The following CCDC3 variants were observed in gnomAD, a reference collection of about 807,000 sequenced individuals.
CCDC3 encodes coiled-coil domain-containing protein 3.
Under a neutral mutation model 21.4 loss-of-function variants are expected in CCDC3, and 24 were observed. The ratio of observed to expected loss-of-function variants is 1.12; its 90% CI spans 0.81 to 1.58. CCDC3 has a LOEUF of 1.58. Ranked by LOEUF, CCDC3 falls within the 40% of genes most tolerant of loss-of-function variation. CCDC3 has a pLI of 0.00. For synonymous variants in CCDC3, 186 were observed against 166.0 expected, an observed-to-expected ratio of 1.12 and a Z score of -0.93; for missense variants, 425 against 360.9, an observed-to-expected ratio of 1.18 and a Z score of -1.44.
rs565901357 is a variant in CCDC3 at position 12,934,991 on chromosome 10, C to T, written c.550-36312G>A. On this transcript the variant is annotated intron_variant, in intron 2 of 2. Coordinates refer to ENST00000378825, the MANE Select transcript of CCDC3 (RefSeq NM_031455.4). ...GCAATCATGACTCACTGTACCATTA[C>T]GTAACAAACTCCTAGGCTCAAGCAG... Among the ~76,000 whole-genome samples, 56 of 151,938 alleles carry T rather than the reference C, an allele frequency of 3.7e-4. 1 individual carries two copies. Among genetic ancestry groups the T allele is most frequent in the Middle Eastern group, 6.8e-3 (2 of 292 alleles).
intron 2 of CCDC3, among the ~76,000 whole-genome samples, chr10:12,945,688 T>C (rs1834905378): frequency 6.6e-6 from 1 of 152,206 alleles, no homozygotes; most frequent in South Asian, 2.1e-4. Flanking sequence ...TTTTAAGTAA[T>C]TGGTCTAGGA....
chr10:13,072,140 C>A (rs773096593), intron 4 of CCDC3, among the ~76,000 whole-genome samples: 4 of 152,130 alleles, frequency 2.6e-5, no homozygotes, highest in Admixed American at 6.5e-5. Context: ...TTACCGTAAC[C>A]TCCTTGTTTC....
At chr10:13,012,289 A>G (rs1835993726) in intron 5 of CCDC3, among the ~76,000 whole-genome samples, 1 of 152,230 alleles carries the variant, frequency 6.6e-6, no homozygotes, top group Admixed American at 6.5e-5. Flanking sequence ...TTCACAAACT[A>G]TACATCTAAT....
At chr10:12,928,915 C>G (rs751738213) in intron 2 of CCDC3, among the ~76,000 whole-genome samples, 3 of 152,122 alleles carry the variant, frequency 2.0e-5, no homozygotes, top group Non-Finnish European at 4.4e-5. Flanking sequence ...TTTGGAGGCA[C>G]CTGGTTGACT....
intron 2 of CCDC3, among the ~76,000 whole-genome samples, chr10:12,982,938 C>T (rs1455249677): frequency 6.7e-6 from 1 of 149,490 alleles, no homozygotes; most frequent in Non-Finnish European, 1.5e-5. Flanking sequence ...CATCGTGAAA[C>T]CCATCTCCAC....
intron 5 of CCDC3, among the ~76,000 whole-genome samples, chr10:13,012,049 A>G (rs981926815): frequency 6.6e-6 from 1 of 152,228 alleles, no homozygotes; most frequent in South Asian, 2.1e-4. Context: ...AAATCAACTC[A>G]AGATGGATTA....
chr10:12,974,712 C>A (rs1032664478), intron 2 of CCDC3, among the ~76,000 whole-genome samples: 1 of 152,196 alleles, frequency 6.6e-6, no homozygotes, highest in Non-Finnish European at 1.5e-5. Context: ...CAACATGACA[C>A]CCCCGGATCA....
intron 5 of CCDC3, among the ~76,000 whole-genome samples, chr10:13,045,952 G>A (rs145952588): frequency 9.2e-4 from 139 of 151,886 alleles, no homozygotes; most frequent in African/African-American, 1.5e-3. Context: ...AGCCGGGTGC[G>A]GTGGCATGCA....
intron 5 of CCDC3, among the ~76,000 whole-genome samples, chr10:13,041,219 T>C (rs1241773290): frequency 6.6e-6 from 1 of 152,158 alleles, no homozygotes; most frequent in Non-Finnish European, 1.5e-5. Flanking sequence ...TGAGGTAAGT[T>C]GAAACAGATT....
At chr10:12,944,009 G>A (rs879836021) in intron 2 of CCDC3, among the ~76,000 whole-genome samples, 52 of 152,094 alleles carry the variant, frequency 3.4e-4, no homozygotes, top group African/African-American at 1.2e-3. Context: ...ACATACAACC[G>A]ACCAGTGTTA....
chr10:13,069,511 C>A (rs904306806), intron 4 of CCDC3, among the ~76,000 whole-genome samples: 2 of 152,108 alleles, frequency 1.3e-5, no homozygotes, highest in African/African-American at 4.8e-5. Flanking sequence ...TATTTCATAA[C>A]ATCAGGTGTT....
chr10:12,911,078 T>A (rs774163627), intron 2 of CCDC3, among the ~76,000 whole-genome samples: 2 of 152,228 alleles, frequency 1.3e-5, no homozygotes, highest in Non-Finnish European at 2.9e-5. Flanking sequence ...CTGTTCCATC[T>A]TTCTGGAAGG....
intron 2 of CCDC3, among the ~76,000 whole-genome samples, chr10:12,948,702 A>T (rs1022885605): frequency 4.0e-5 from 6 of 148,368 alleles, no homozygotes; most frequent in African/African-American, 1.5e-4. Flanking sequence ...AAAGGGGTAA[A>T]AATTTAAGTC....
chr10:13,010,986 C>T (rs1021012227), intron 5 of CCDC3, among the ~76,000 whole-genome samples: 5 of 152,128 alleles, frequency 3.3e-5, no homozygotes, highest in African/African-American at 7.2e-5. Flanking sequence ...TCGAGATCAG[C>T]CTGGCCAACA....
intron 2 of CCDC3, among the ~76,000 whole-genome samples, chr10:12,936,904 A>G (rs1834748114): frequency 6.6e-6 from 1 of 152,218 alleles, no homozygotes; most frequent in Non-Finnish European, 1.5e-5. Context: ...AGCCTGGGTG[A>G]CCTAGTGAGA....
chr10:12,931,859 C>T (rs1834649453), intron 2 of CCDC3, among the ~76,000 whole-genome samples: 2 of 152,186 alleles, frequency 1.3e-5, no homozygotes, highest in Non-Finnish European at 2.9e-5. Context: ...GTCTCCACTA[C>T]CCAAAGGACC....
intron 5 of CCDC3, among the ~76,000 whole-genome samples, chr10:13,028,246 T>C (rs944848170): frequency 2.6e-5 from 4 of 152,150 alleles, no homozygotes; most frequent in African/African-American, 7.2e-5. Context: ...GATGGTTTTA[T>C]AAAGGGCAGT....
At chr10:13,007,882 C>G (rs1317553695) in intron 5 of CCDC3, among the ~76,000 whole-genome samples, 1 of 152,096 alleles carries the variant, frequency 6.6e-6, no homozygotes, top group Non-Finnish European at 1.5e-5. Context: ...TGGGGCCAAA[C>G]AAGTTAGGTC....
Position 13,001,482 on chromosome 10 carries a change from G to C in CCDC3, c.89C>G (p.Pro30Arg). The change falls in exon 1 of 3, where the codon CCC becomes CGC. Residue 30 changes from proline to arginine, a missense_variant. Pro to Arg is a moderately radical substitution (Grantham distance 103). Coordinates refer to ENST00000378825, the MANE Select transcript of CCDC3 (RefSeq NM_031455.4). Reference sequence around the variant, plus strand: ...CTCGGCGCGGCAGCCCTCGCTCAGGGGCCTCCACTCGGAGGGCAGCTGGCA... The same window carrying C: ...CTCGGCGCGGCAGCCCTCGCTCAGGCGCCTCCACTCGGAGGGCAGCTGGCA... ...RACQLPSEWRPLSEGCRAELA... is the reference protein window; with the variant it reads ...RACQLPSEWRRLSEGCRAELA... 7.2e-7 allele frequency: 1 copy of C among 1,383,468 alleles called. No homozygotes were observed. The highest frequency in any genetic ancestry group is 9.3e-7 in the Non-Finnish European group (1 of 1,071,144). The allele number at this position is 1,383,468 out of a possible 1,614,324, so 85.7% of individuals were successfully genotyped here.
Sources: allele counts gnomAD v4.1 joint callset (sites outside exome capture counted in the v4.1 genomes callset), GRCh38; gene constraint gnomAD v4.1.1; transcripts MANE v1.5; gene names NCBI Gene and HGNC (gene_info 2026-07-23, HGNC 2026-07-21).